Variants in PAX2 observed in about 807,000 individuals in gnomAD.
The protein encoded by PAX2 is paired box protein Pax-2.
A neutral mutation model predicts 41.7 loss-of-function variants in PAX2; 9 were observed. The ratio of observed to expected loss-of-function variants is 0.22; its 90% confidence interval spans 0.13 to 0.38. The LOEUF (loss-of-function observed/expected upper bound fraction) is 0.38, where lower values mean the gene tolerates loss of function less well. Among genes scored for constraint, PAX2 ranks in the 10% least tolerant of loss-of-function variants. The probability of loss-of-function intolerance (pLI) is 1.00; values close to 1 mark genes in which losing one functional copy is unlikely to be tolerated. For synonymous variants in PAX2, 221 were observed against 212.7 expected (o/e 1.04, Z -0.34); for missense variants, 418 against 531.6 (o/e 0.79, Z 2.10).
At chr10:100,740,582 G>A (rs904723519), upstream of PAX2, among the ~76,000 whole-genome samples, 8 of 152,172 alleles carry the variant, frequency 5.3e-5, no homozygotes, top group Admixed American at 4.6e-4. Context: ...CAGAAAGCTG[G>A]CCATTTACTC....
intron 5 of PAX2, among the ~76,000 whole-genome samples, chr10:100,798,619 C>T (rs370364588): frequency 6.4e-4 from 98 of 152,248 alleles, no homozygotes; most frequent in African/African-American, 1.7e-3. Context: ...CCCTCACTCC[C>T]GGAATCCCAC....
At chr10:100,801,188 T>G (rs938260017) in intron 5 of PAX2, among the ~76,000 whole-genome samples, 1 of 152,170 alleles carries the variant, frequency 6.6e-6, no homozygotes, top group Non-Finnish European at 1.5e-5. Flanking sequence ...CTTGAGCCAG[T>G]CACTTGCCCT....
chr10:100,749,018 G>T (rs1049828697), intron 1 of PAX2: 17 of 985,330 alleles, frequency 1.7e-5, no homozygotes, highest in Non-Finnish European at 1.9e-5. Context: ...GAGCGCAGCA[G>T]ACCCCGGGCC....
intron 5 of PAX2, among the ~76,000 whole-genome samples, chr10:100,796,435 T>A (rs1263510393): frequency 1.3e-5 from 2 of 152,218 alleles, no homozygotes; most frequent in Non-Finnish European, 2.9e-5. Flanking sequence ...GATGTACATG[T>A]CCTTTTAAAA....
intron 3 of PAX2, among the ~76,000 whole-genome samples, chr10:100,766,122 G>A (rs904130122): frequency 1.3e-5 from 2 of 152,354 alleles, no homozygotes; most frequent in South Asian, 4.1e-4. Flanking sequence ...AGTAGCAGAA[G>A]TAGGATTTGA....
rs555177450 is a variant in PAX2, at chr10:100,781,559, T to C, written c.616+194T>C. Among the ~76,000 whole-genome samples, 15 of 152,298 alleles carry C rather than the reference T, an allele frequency of 9.8e-5. No homozygotes were observed. In the South Asian group the frequency reaches 3.1e-3, roughly 32 times the overall value. On this transcript the variant is annotated intron_variant, in intron 5 of 9. Transcript: ENST00000355243. ...GCTAGTGGGGCCATCAGCTTCACCATCTGCTCAGCAGCCCCGGCTGCCTCA... is the reference window on the plus strand; with the variant it reads ...GCTAGTGGGGCCATCAGCTTCACCACCTGCTCAGCAGCCCCGGCTGCCTCA...
chr10:100,826,583 G>A lies in PAX2; in HGVS notation c.1022-426G>A, dbSNP rs1336896610. ...GGACTTTCTGGGAGAAAAATGTCCC[G>A]AAGGCCTTTCTTCGCCACCGCCCCC... On this transcript the variant is annotated intron_variant, in intron 8 of 9. Transcript: ENST00000355243. This position sits in a 1 kb window ranked among gnomAD's most constrained non-coding sequence, Gnocchi z 5.5. Among the ~76,000 whole-genome samples the A allele has an allele frequency of 6.6e-6, 1 of 152,168 alleles. No individual in the cohort carries two copies. Among genetic ancestry groups the A allele is most frequent in the Non-Finnish European group, 1.5e-5 (1 of 68,020 alleles).
Position 100,737,644 on chromosome 10 carries a change from C to T in PAX2, c.25+1911C>T, listed in dbSNP as rs545001680. ...GAGCAGAGCTGCAGAGTCTTCCGCC[C>T]TCCCAGCCGCCTTCTCCCTTTGCCT... is the stretch of plus-strand genomic sequence containing the variant. On this transcript the variant is annotated intron_variant, in intron 1 of 9. Coordinates refer to the PAX2 transcript ENST00000679374. Among the ~76,000 whole-genome samples the T allele has an allele frequency of 2.0e-5, 3 of 152,374 alleles. No homozygotes were observed. The South Asian group carries it at 6.2e-4, about 32-fold the overall frequency.
chr10:100,813,989 C>T (rs1848094632), intron 7 of PAX2, among the ~76,000 whole-genome samples: 1 of 152,148 alleles, frequency 6.6e-6, no homozygotes, highest in South Asian at 2.1e-4. Context: ...TTAACATCCC[C>T]CCAAGACCTG....
intron 5 of PAX2, among the ~76,000 whole-genome samples, chr10:100,796,643 A>G (rs1197096971): frequency 1.3e-5 from 2 of 152,126 alleles, no homozygotes; most frequent in Admixed American, 6.5e-5. Flanking sequence ...ATCTCTTGCC[A>G]TGGAATCCCT....
chr10:100,800,550 C>T (rs112405114), intron 5 of PAX2, among the ~76,000 whole-genome samples: 10,251 of 152,222 alleles, frequency 0.067, 1,102 homozygotes, highest in African/African-American at 0.23. Context: ...GTTGGGATTA[C>T]AGGCATGAGC....
intron 3 of PAX2, among the ~76,000 whole-genome samples, chr10:100,765,965 T>G (rs2133867870): frequency 1.3e-5 from 2 of 152,266 alleles, no homozygotes; most frequent in South Asian, 4.1e-4. Context: ...TAACAAGTGC[T>G]TACTACAGTA....
intron 8 of PAX2, among the ~76,000 whole-genome samples, chr10:100,825,626 T>C (rs945425944): frequency 6.6e-6 from 1 of 152,180 alleles, no homozygotes; most frequent in Non-Finnish European, 1.5e-5. Flanking sequence ...CCGCCCTCTA[T>C]GTGGCCTTTC....
chr10:100,809,607 G>C (rs1269072342), intron 7 of PAX2, among the ~76,000 whole-genome samples: 1 of 152,222 alleles, frequency 6.6e-6, no homozygotes, highest in Non-Finnish European at 1.5e-5. Context: ...AGTGGAGCAT[G>C]GGTACCCAGT....
intron 8 of PAX2, among the ~76,000 whole-genome samples, chr10:100,825,960 G>T (rs1206464555): frequency 6.6e-6 from 1 of 151,876 alleles, no homozygotes; most frequent in South Asian, 2.1e-4. Flanking sequence ...GGGAAGAGTG[G>T]GGAGGTGGGG....
At chr10:100,759,583 T>G (rs1033302246) in intron 3 of PAX2, among the ~76,000 whole-genome samples, 4 of 152,332 alleles carry the variant, frequency 2.6e-5, no homozygotes, top group African/African-American at 9.6e-5. Context: ...CTCCTCTGCC[T>G]GCCCTCAGTC....
intron 1 of PAX2, chr10:100,747,889 C>T (rs1845259467): frequency 3.0e-6 from 3 of 984,316 alleles, no homozygotes; most frequent in African/African-American, 1.8e-5. Context: ...TCCTTTTTTG[C>T]GGATTCCGCC....
intron 4 of PAX2, 63 bp downstream of exon 4, chr10:100,779,646 C>T: frequency 2.3e-6 from 3 of 1,311,922 alleles, no homozygotes; most frequent in Non-Finnish European, 3.2e-6. Flanking sequence ...GGAAACGCAG[C>T]TCCACCCCTG....
intron 5 of PAX2, among the ~76,000 whole-genome samples, chr10:100,799,141 A>G (rs913984371): frequency 2.6e-5 from 4 of 152,176 alleles, no homozygotes; most frequent in Non-Finnish European, 4.4e-5. Flanking sequence ...AGAGGCCACC[A>G]TCAGAACGGG....
Sources: allele counts gnomAD v4.1 joint callset (sites outside exome capture counted in the v4.1 genomes callset), GRCh38; gene constraint gnomAD v4.1.1; non-coding constraint Gnocchi (gnomAD v3.1); transcripts MANE v1.5; gene names NCBI Gene and HGNC (gene_info 2026-07-23, HGNC 2026-07-21).